Variants in CSMD2 observed in about 807,000 individuals in gnomAD.
The protein encoded by CSMD2 is CUB and Sushi multiple domains 2.
CSMD2 carries 130 observed loss-of-function variants against 398.5 expected under a neutral mutation model. The ratio of observed to expected loss-of-function variants is 0.33; its 90% confidence interval spans 0.28 to 0.38. The LOEUF is 0.38. CSMD2 is among the 10% of genes least tolerant of loss of function. The pLI is 1.00. For missense variants in CSMD2, 3,829 were observed against 4,764.9 expected, an observed-to-expected ratio of 0.80 and a Z score of 5.78; for synonymous variants, 1,828 against 1,908.5, an observed-to-expected ratio of 0.96 and a Z score of 1.10.
At chr1:33,616,827 A>G in intron 39 of CSMD2, 79 bp downstream of exon 39, 1 of 1,086,510 alleles carries the variant, frequency 9.2e-7, no homozygotes, top group Non-Finnish European at 1.4e-6. Context: ...TTTGAACTTG[A>G]ACTCAATGAT....
chr1:33,790,799 T>C (rs1444889978), intron 11 of CSMD2, among the ~76,000 whole-genome samples: 2 of 114,996 alleles, frequency 1.7e-5, no homozygotes, highest in African/African-American at 3.4e-5. Context: ...ATCATCTCTC[T>C]AATATCTATC....
intron 13 of CSMD2, among the ~76,000 whole-genome samples, chr1:33,756,857 C>T (rs369214319): frequency 7.9e-5 from 12 of 152,218 alleles, no homozygotes; most frequent in South Asian, 2.1e-4. Context: ...CACATGCACA[C>T]GTATGTTTAT....
In CSMD2 at chr1:34,163,272, G is replaced by A. The variant is rs1338533577; in HGVS notation, c.187+1639C>T. Among the ~76,000 whole-genome samples, 4 of 152,268 alleles carry A rather than the reference G, an allele frequency of 2.6e-5. No individual in the cohort carries two copies. The East Asian group carries it at 7.7e-4, about 29-fold the overall frequency. On this transcript the variant is annotated intron_variant, in intron 1 of 70. Transcript: ENST00000373381. The surrounding 1 kb of genome is among the most constrained non-coding windows in gnomAD (Gnocchi z 5.4). The stretch of plus-strand genomic sequence containing the variant: ...ATGTGGCAAGTCTGGGTGACCAGCA[G>A]CGTCGGTATGCACAGCCTCCCAGTG...
At chr1:34,037,303 C>T (rs951409459) in intron 2 of CSMD2, among the ~76,000 whole-genome samples, 2 of 151,992 alleles carry the variant, frequency 1.3e-5, no homozygotes, top group African/African-American at 2.4e-5. Flanking sequence ...GCACCCTCCC[C>T]GCCCCCACCG....
chr1:33,998,928 T>C (rs565312346), intron 3 of CSMD2, among the ~76,000 whole-genome samples: 1 of 152,262 alleles, frequency 6.6e-6, no homozygotes, highest in Admixed American at 6.5e-5. Flanking sequence ...ATCCTCAACT[T>C]AGGAAGTCTA....
At chr1:34,137,705 C>T (rs1638897560) in intron 1 of CSMD2, among the ~76,000 whole-genome samples, 1 of 152,220 alleles carries the variant, frequency 6.6e-6, no homozygotes, top group Non-Finnish European at 1.5e-5. Flanking sequence ...CGACTGAAGA[C>T]TGTGCTTTCC....
chr1:33,680,814 C>T (rs1231217459), intron 25 of CSMD2, among the ~76,000 whole-genome samples: 1 of 151,570 alleles, frequency 6.6e-6, no homozygotes, highest in Non-Finnish European at 1.5e-5. Flanking sequence ...GAAAAATTAA[C>T]CTTTATTGTG....
chr1:33,592,652 T>TA (rs1639542977), intron 44 of CSMD2, among the ~76,000 whole-genome samples: 1 of 152,138 alleles, frequency 6.6e-6, no homozygotes, highest in African/African-American at 2.4e-5. Flanking sequence ...ATAATCACTT[T>TA]AAAAATTATC....
intron 25 of CSMD2, among the ~76,000 whole-genome samples, chr1:33,690,266 C>T (rs1645193119): frequency 6.6e-6 from 1 of 152,188 alleles, no homozygotes; most frequent in Non-Finnish European, 1.5e-5. Flanking sequence ...GCTGACCACA[C>T]TGCTTCACTC....
chr1:33,614,861 T>C (rs1641283586), intron 39 of CSMD2, among the ~76,000 whole-genome samples: 1 of 152,236 alleles, frequency 6.6e-6, no homozygotes, highest in Non-Finnish European at 1.5e-5. Context: ...AGTTATGGAC[T>C]CTTGACCTTG....
intron 1 of CSMD2, among the ~76,000 whole-genome samples, chr1:34,090,184 G>A (rs867228728): frequency 6.6e-6 from 1 of 152,180 alleles, no homozygotes; most frequent in Non-Finnish European, 1.5e-5. Flanking sequence ...CGCATCACCT[G>A]GGGAATCTGT....
chr1:34,109,772 G>T (rs1236329441), intron 1 of CSMD2, among the ~76,000 whole-genome samples: 3 of 152,056 alleles, frequency 2.0e-5, no homozygotes, highest in Non-Finnish European at 2.9e-5. Context: ...AGGCACGGTG[G>T]CTCATGCCTG....
chr1:33,519,721 A>G lies in CSMD2; in HGVS notation c.10737-44T>C, dbSNP rs773521570. 6.2e-7 allele frequency: 1 copy of G among 1,613,774 alleles called. No individual in the cohort carries two copies. ...GTGCCCACGGCATGAAAAGAGCGAC[A>G]CAGAGAGGCTTAGGGGTCTGGTGCG... On this transcript the variant is annotated intron_variant, in intron 69 of 70. Transcript: ENST00000373381. The surrounding 1 kb of genome is among the most constrained non-coding windows in gnomAD (Gnocchi z 5.6).
At chr1:33,753,296 C>A in intron 13 of CSMD2, among the ~76,000 whole-genome samples, 1 of 152,316 alleles carries the variant, frequency 6.6e-6, no homozygotes, top group Middle Eastern at 3.4e-3. Context: ...AGGGACCAGG[C>A]CTGGGGCACT....
intron 13 of CSMD2, among the ~76,000 whole-genome samples, chr1:33,753,211 TG>T (rs1648502872): frequency 6.6e-6 from 1 of 152,182 alleles, no homozygotes; most frequent in Admixed American, 6.5e-5. Context: ...AAAAAGGCCT[TG>T]ACGGCATTTC....
intron 47 of CSMD2, among the ~76,000 whole-genome samples, chr1:33,581,973 G>A (rs937090689): frequency 3.9e-5 from 6 of 152,224 alleles, no homozygotes; most frequent in Non-Finnish European, 7.3e-5. Context: ...GGCTAGGTCT[G>A]CTGTGTAAAA....
chr1:33,541,039 C>G, intron 59 of CSMD2, 91 bp downstream of exon 59: 1 of 1,342,320 alleles, frequency 7.4e-7, no homozygotes, highest in East Asian at 2.3e-5. Context: ...TGGCCTTTCA[C>G]CCCTCTCCCT....
At position 34,123,320 on chromosome 1, in the gene CSMD2, G is replaced by T. The variant is rs79336301; in HGVS notation, c.188-34127C>A. On this transcript the variant is annotated intron_variant, in intron 1 of 70. Coordinates refer to ENST00000373381, the MANE Select transcript of CSMD2 (RefSeq NM_001281956.2). ...GGACGGGGTCCAGAGAGCTTCCAGA[G>T]AGCGGAACACGTGGAGATTCCTGGA... Among the ~76,000 whole-genome samples, 903 of 152,326 alleles carry T rather than the reference G, an allele frequency of 5.9e-3. 17 individuals are homozygous for T. Among genetic ancestry groups the T allele is most frequent in the African/African-American group, 0.021 (857 of 41,560 alleles).
intron 1 of CSMD2, among the ~76,000 whole-genome samples, chr1:34,135,018 C>A (rs774537277): frequency 4.6e-5 from 7 of 152,118 alleles, no homozygotes; most frequent in Non-Finnish European, 1.5e-5. Flanking sequence ...CTACTGCAGA[C>A]CTATTTGATC....
Sources: gnomAD v4.1 joint callset for allele counts (sites outside exome capture counted in the v4.1 genomes callset) on GRCh38, gnomAD v4.1.1 for gene constraint, Gnocchi (gnomAD v3.1) non-coding constraint, MANE v1.5 for transcripts, NCBI Gene and HGNC (gene_info 2026-07-23, HGNC 2026-07-21) for gene names.